Variants in GPX6 observed in about 807,000 individuals in gnomAD.
The protein encoded by GPX6 is glutathione peroxidase 6, also known as glutathione peroxidase 6 (olfactory).
GPX6 carries 21 observed loss-of-function variants against 20.0 expected under a neutral mutation model. The observed-to-expected ratio is 1.05, with a 90% confidence interval of 0.74 to 1.51. The LOEUF (loss-of-function observed/expected upper bound fraction) is 1.51. Among genes scored for constraint, GPX6 ranks in the 40% most tolerant of loss-of-function variants. The pLI, the probability that GPX6 is intolerant of heterozygous loss-of-function variation, is 0.00. For missense variants in GPX6, 233 were observed against 254.7 expected, an observed-to-expected ratio of 0.91 and a Z score of 0.58; for synonymous variants, 75 against 98.0, an observed-to-expected ratio of 0.77 and a Z score of 1.38.
chr6:28,512,208 C>T (rs1054720715), intron 1 of GPX6, among the ~76,000 whole-genome samples: 3 of 152,364 alleles, frequency 2.0e-5, no homozygotes, highest in Non-Finnish European at 4.4e-5. Context: ...GCTCGGCCTG[C>T]GGCCGTGGTG....
intron 4 of GPX6, among the ~76,000 whole-genome samples, chr6:28,505,158 T>G (rs1203205104): frequency 6.6e-6 from 1 of 152,216 alleles, no homozygotes; most frequent in Non-Finnish European, 1.5e-5. Context: ...TTCAATAAGT[T>G]GAGCTTTATG....
chr6:28,514,490 T>G (rs1229678300), intron 1 of GPX6, among the ~76,000 whole-genome samples: 1 of 152,218 alleles, frequency 6.6e-6, no homozygotes, highest in Non-Finnish European at 1.5e-5. Flanking sequence ...GTTCAAGTGA[T>G]CTGTTACCTT....
Position 28,515,704 on chromosome 6 carries a change from A to T in GPX6, c.40T>A (p.Phe14Ile). Reference protein sequence around the residue: ...QFQASCLVLFFLVGFAQQTLK... With the variant: ...QFQASCLVLFILVGFAQQTLK... ...GTCTGCTGAGCAAAGCCAACCAGGA[A>T]AAACAGGACAAGACAGGAGGCCTGG... The change falls in exon 1 of 5, where the codon TTC becomes ATC. Residue 14 changes from phenylalanine to isoleucine, a missense_variant. Transcript: ENST00000361902. 1.2e-6 allele frequency: 2 copies of T among 1,614,066 alleles called. No individual in the cohort carries two copies. Among genetic ancestry groups the T allele is most frequent in the Non-Finnish European group, 1.7e-6 (2 of 1,179,922 alleles).
intron 1 of GPX6, among the ~76,000 whole-genome samples, chr6:28,514,484 A>T (rs556449926): frequency 1.3e-5 from 2 of 152,220 alleles, no homozygotes; most frequent in Non-Finnish European, 2.9e-5. Context: ...TTGTCCGTTC[A>T]AGTGATCTGT....
chr6:28,510,824 G>A lies in GPX6; in HGVS notation c.168C>T (p.Phe56=). ...GGACGTGCTTGCCTGCAAACTGCTT[G>A]AATTGGATGTACTCCTCGCCGTTGA... ...LTLNGEEYIQ[F]KQFAGKHVLF... The change falls in exon 2 of 5, where the codon TTC becomes TTT. Residue 56 remains phenylalanine (F), a synonymous_variant. Coordinates refer to ENST00000361902, the MANE Select transcript of GPX6 (RefSeq NM_182701.1). The A allele has an allele frequency of 6.2e-7, 1 of 1,614,126 alleles. No individual in the cohort carries two copies. The highest frequency in any genetic ancestry group is 1.1e-5 in the South Asian group (1 of 91,080).
In GPX6 at chr6:28,505,720, C is replaced by A; in HGVS notation, c.442G>T (p.Val148Phe). 6.2e-7 allele frequency: 1 copy of A among 1,613,498 alleles called. No homozygotes were observed. Among genetic ancestry groups the A allele is most frequent in the Non-Finnish European group, 8.5e-7 (1 of 1,179,410 alleles). The change falls in exon 4 of 5, where the codon GTC becomes TTC. Residue 148 changes from valine (V) to phenylalanine (F), a missense_variant. Physicochemically the swap from Val to Phe is conservative, Grantham distance 50. Coordinates refer to ENST00000361902, the MANE Select transcript of GPX6 (RefSeq NM_182701.1). ...TCATGCACCTTCAGGAAAGTAAAGA[C>A]CTTCTGTTCTTTTTCTCCATTCACA... is the stretch of plus-strand genomic sequence containing the variant. ...GDVNGEKEQK[V>F]FTFLKNSCPP... is the part of the protein sequence containing the mutation.
intron 3 of GPX6, among the ~76,000 whole-genome samples, 187 bp from the exon 4 acceptor site, chr6:28,505,989 G>T (rs771817944): frequency 6.6e-6 from 1 of 152,152 alleles, no homozygotes; most frequent in Admixed American, 6.5e-5. Flanking sequence ...CGCCAATAGA[G>T]AATTCTAAGA....
At position 28,503,520 on chromosome 6, in the gene GPX6, G is replaced by A. The variant is rs35604709; in HGVS notation, c.*772C>T. 0.076 allele frequency: 11,542 copies of A among 152,212 alleles called. 667 individuals are homozygous for A. Among genetic ancestry groups the A allele is most frequent in the East Asian group, 0.31 (1,621 of 5,156 alleles). 9.4% of individuals were successfully genotyped at this position (152,212 alleles called of 1,614,324 possible). A position where few individuals can be genotyped will look rare whatever the true frequency, so the allele number is the denominator to read the frequency against. On this transcript the variant is annotated 3_prime_UTR_variant, in exon 5 of 5. Transcript: ENST00000361902. ...TCAAAATAAGCTTAAAGTTGAGGAG[G>A]CTCAGGGTGAGGAGAAAGCCCATCA...
chr6:28,504,669 A>G (rs1156538746), intron 4 of GPX6, among the ~76,000 whole-genome samples, 171 bp from the exon 5 acceptor site: 1 of 152,226 alleles, frequency 6.6e-6, no homozygotes, highest in Non-Finnish European at 1.5e-5. Context: ...ATGTATCAAT[A>G]CCAATACACC....
intron 1 of GPX6, among the ~76,000 whole-genome samples, chr6:28,512,613 G>T (rs1275316603): frequency 1.3e-5 from 2 of 152,166 alleles, no homozygotes; most frequent in Non-Finnish European, 2.9e-5. Flanking sequence ...AAAGGCGGCT[G>T]CCGGAGCCAG....
intron 1 of GPX6, among the ~76,000 whole-genome samples, chr6:28,511,917 C>G (rs1356054340): frequency 6.6e-6 from 1 of 152,190 alleles, no homozygotes; most frequent in African/African-American, 2.4e-5. Flanking sequence ...GTGGGCTCAG[C>G]GGGCCCCGCA....
At chr6:28,513,613 G>A (rs35327256) in intron 1 of GPX6, among the ~76,000 whole-genome samples, 15,816 of 152,194 alleles carry the variant, frequency 0.1, 1,324 homozygotes, top group East Asian at 0.42. Context: ...AAATAGCACA[G>A]AGCGGAAAAA....
rs1762800242 is a variant in GPX6, at chr6:28,505,724, C to A, written c.438G>T (p.Gln146His). The change falls in exon 4 of 5, where the codon CAG (glutamine) becomes CAT (histidine). Residue 146 changes from glutamine to histidine, a missense_variant. Physicochemically the swap from Gln to His is conservative, Grantham distance 24 (BLOSUM62 0). Transcript: ENST00000361902. ...EKGDVNGEKE[Q>H]KVFTFLKNSC... is the part of the protein sequence containing the mutation. The stretch of plus-strand genomic sequence containing the variant: ...GCACCTTCAGGAAAGTAAAGACCTT[C>A]TGTTCTTTTTCTCCATTCACATCCC... 6.2e-7 allele frequency: 1 copy of A among 1,613,506 alleles called. No individual in the cohort carries two copies. The highest frequency in any genetic ancestry group is 1.7e-5 in the Admixed American group (1 of 60,004).
Position 28,504,052 on chromosome 6 carries a change from A to G in GPX6, c.*240T>C. On this transcript the variant is annotated 3_prime_UTR_variant, in exon 5 of 5. Transcript: ENST00000361902. ...ACACACACACACACACACACACACC[A>G]TACATACACCTATGCATATACCAAC... 3.8e-6 allele frequency: 2 copies of G among 521,164 alleles called. No individual in the cohort carries two copies. The highest frequency in any genetic ancestry group is 6.8e-6 in the Non-Finnish European group (2 of 293,676). The allele number at this position is 521,164 out of a possible 1,614,324, so 32.3% of individuals were successfully genotyped here. A position where few individuals can be genotyped will look rare whatever the true frequency, so the allele number is the denominator to read the frequency against.
At position 28,513,221 on chromosome 6, in the gene GPX6, A is replaced by C. The variant is rs115812071; in HGVS notation, c.88-2317T>G. Among the ~76,000 whole-genome samples, 1,205 of 152,316 alleles carry C rather than the reference A, an allele frequency of 7.9e-3. 12 individuals are homozygous for C. Among genetic ancestry groups the C allele is most frequent in the African/African-American group, 0.027 (1,120 of 41,566 alleles). On this transcript the variant is annotated intron_variant, in intron 1 of 4. Coordinates refer to ENST00000361902, the MANE Select transcript of GPX6 (RefSeq NM_182701.1). The stretch of plus-strand genomic sequence containing the variant: ...CCGATTCTTCTCGTAAACCAAGGCA[A>C]GATCCCTGGGATACAGAAAGTCCTC...
At position 28,504,096 on chromosome 6, in the gene GPX6, C is replaced by CCGTACACA. The variant is rs1448715598; in HGVS notation, c.*195_*196insTGTGTACG. On this transcript the variant is annotated 3_prime_UTR_variant, in exon 5 of 5. Coordinates refer to ENST00000361902, the MANE Select transcript of GPX6 (RefSeq NM_182701.1). ...TACCAACAAATACAATTCTACATAT[C>CCGTACACA]CATACACACACACACACACACACAC... 21 of 528,516 alleles carry CCGTACACA rather than the reference C, an allele frequency of 4.0e-5. No individual in the cohort carries two copies. Among genetic ancestry groups the CCGTACACA allele is most frequent in the African/African-American group, 3.1e-4 (12 of 38,640 alleles). 32.7% of individuals were successfully genotyped at this position (528,516 alleles called of 1,614,324 possible).
chr6:28,513,422 C>T (rs775857218), intron 1 of GPX6, among the ~76,000 whole-genome samples: 1 of 152,210 alleles, frequency 6.6e-6, no homozygotes, highest in Non-Finnish European at 1.5e-5. Flanking sequence ...TCCCCCTCTG[C>T]TCCCGTACAG....
chr6:28,513,514 T>G (rs1471541250), intron 1 of GPX6, among the ~76,000 whole-genome samples: 1 of 152,164 alleles, frequency 6.6e-6, no homozygotes, highest in East Asian at 1.9e-4. Context: ...CTTTTCCGGT[T>G]TCGCTGGTAC....
chr6:28,509,107 G>A (rs1762835969), intron 2 of GPX6, among the ~76,000 whole-genome samples: 1 of 152,120 alleles, frequency 6.6e-6, no homozygotes, highest in Admixed American at 6.5e-5. Flanking sequence ...ACTTAAAAGG[G>A]CTAAAATTCT....
Sources: allele counts gnomAD v4.1 joint callset (sites outside exome capture counted in the v4.1 genomes callset), GRCh38; gene constraint gnomAD v4.1.1; transcripts MANE v1.5; gene names NCBI Gene and HGNC (gene_info 2026-07-23, HGNC 2026-07-21).